Variants in XKR5 observed in about 807,000 individuals in gnomAD.
XKR5 encodes the protein XK related 5.
Under a neutral mutation model 40.8 loss-of-function variants are expected in XKR5, and 46 were observed. That is an observed-to-expected ratio of 1.13 (90% CI 0.89 to 1.44). The LOEUF is 1.44. XKR5 is among the 40% of genes most tolerant of loss of function. XKR5 has a pLI of 0.00. For synonymous variants in XKR5, 466 were observed against 356.1 expected (o/e 1.31, Z -3.48); for missense variants, 1,169 against 844.7 (o/e 1.38, Z -4.76).
rs1323696551 is a variant in XKR5, at chr8:6,811,384, C to G, written c.1875G>C (p.Glu625Asp). 3 of 1,537,192 alleles carry G rather than the reference C, an allele frequency of 2.0e-6. No homozygotes were observed. In the African/African-American group the frequency reaches 4.1e-5, roughly 21 times the overall value. ...TTTTGGGCTCCAGCGGCTCCTCTAG[C>G]TCTGAGATACTGAGGGTTCTTCCAG... ...GFPGRTLSISELEEPLEPKRE... is the reference protein window; with the variant it reads ...GFPGRTLSISDLEEPLEPKRE... Residue 625 changes from glutamate to aspartate, a missense_variant, in exon 7 of 7, where the codon GAG becomes GAC. By Grantham distance (45) the Glu-to-Asp change is conservative. Transcript: ENST00000618742.
chr8:6,812,718 A>T (rs1258169318), intron 6 of XKR5, among the ~76,000 whole-genome samples: 5 of 152,234 alleles, frequency 3.3e-5, no homozygotes, highest in African/African-American at 1.2e-4. Context: ...CTTTCAAGTA[A>T]CTGGACCATA....
intron 2 of XKR5, among the ~76,000 whole-genome samples, chr8:6,825,816 A>G (rs1218198893): frequency 2.0e-5 from 3 of 152,224 alleles, no homozygotes; most frequent in Non-Finnish European, 4.4e-5. Flanking sequence ...CACAGAATGT[A>G]GAACTCTGTG....
Position 6,810,586 on chromosome 8 carries a change from G to T in XKR5, c.*612C>A, listed in dbSNP as rs1803635442. On this transcript the variant is annotated 3_prime_UTR_variant, in exon 7 of 7. Transcript: ENST00000618742. Reference sequence around the variant, plus strand: ...GTGCATGTGCCCTTAGCATGGGTGAGGCTGAGCTAAGTGAGTCTACCCTTC... The same window carrying T: ...GTGCATGTGCCCTTAGCATGGGTGATGCTGAGCTAAGTGAGTCTACCCTTC... 1 of 152,280 alleles carries T rather than the reference G, an allele frequency of 6.6e-6. No individual in the cohort carries two copies. Among genetic ancestry groups the T allele is most frequent in the African/African-American group, 2.4e-5 (1 of 41,454 alleles). The allele number at this position is 152,280 out of a possible 1,614,324, so 9.4% of individuals were successfully genotyped here.
chr8:6,830,397 T>C (rs556612525), intron 2 of XKR5, among the ~76,000 whole-genome samples: 3 of 152,216 alleles, frequency 2.0e-5, no homozygotes, highest in African/African-American at 7.2e-5. Context: ...GAGGAATGGA[T>C]CCACTGCTGT....
chr8:6,823,786 C>A, intron 3 of XKR5, 56 bp from the exon 4 acceptor site: 1 of 1,414,258 alleles, frequency 7.1e-7, no homozygotes, highest in African/African-American at 1.4e-5. Flanking sequence ...GTAACAGTAC[C>A]TTGTGAAGAT....
intron 4 of XKR5, among the ~76,000 whole-genome samples, chr8:6,823,029 C>T (rs150547658): frequency 6.6e-6 from 1 of 152,220 alleles, no homozygotes; most frequent in Non-Finnish European, 1.5e-5. Context: ...TAACACAGAA[C>T]AGTCTCCTGA....
intron 5 of XKR5, among the ~76,000 whole-genome samples, chr8:6,818,792 C>A (rs1479459901): frequency 1.3e-5 from 2 of 152,226 alleles, no homozygotes; most frequent in African/African-American, 4.8e-5. Context: ...GCACTGGAGG[C>A]CCCCAGCCCC....
intron 2 of XKR5, among the ~76,000 whole-genome samples, chr8:6,826,113 C>A (rs969220064): frequency 6.6e-6 from 1 of 152,056 alleles, no homozygotes. Context: ...TATGGGTGAA[C>A]ACACATGTGG....
chr8:6,819,462 G>T (rs1021452309), intron 5 of XKR5, among the ~76,000 whole-genome samples: 6 of 152,234 alleles, frequency 3.9e-5, no homozygotes, highest in South Asian at 2.1e-4. Flanking sequence ...GGTTTCAGGT[G>T]CTGGCCACTC....
chr8:6,834,052 G>A (rs1024288120), intron 1 of XKR5, among the ~76,000 whole-genome samples: 1 of 152,122 alleles, frequency 6.6e-6, no homozygotes, highest in Non-Finnish European at 1.5e-5. Flanking sequence ...CTCTCTCTGT[G>A]GGGTCCCTTT....
chr8:6,829,736 A>C (rs1166519050), intron 2 of XKR5, among the ~76,000 whole-genome samples: 1 of 148,996 alleles, frequency 6.7e-6, no homozygotes, highest in African/African-American at 2.5e-5. Context: ...AGGCTGGTTT[A>C]GAACTCCTGG....
At position 6,809,844 on chromosome 8, in the gene XKR5, C is replaced by G. The variant is rs1430577739; in HGVS notation, c.*1354G>C. On this transcript the variant is annotated 3_prime_UTR_variant, in exon 7 of 7. Transcript: ENST00000618742. The stretch of plus-strand genomic sequence containing the variant: ...TACCCATTCTGGCTGGGCACGGTGG[C>G]TCACGCCTGTAATCCCAGCACTTTG... 6 of 152,382 alleles carry G rather than the reference C, an allele frequency of 3.9e-5. No homozygotes were observed. Among genetic ancestry groups the G allele is most frequent in the Non-Finnish European group, 8.8e-5 (6 of 68,202 alleles). The allele number at this position is 152,382 out of a possible 1,614,324, so 9.4% of individuals were successfully genotyped here. A position where few individuals can be genotyped will look rare whatever the true frequency, so the allele number is the denominator to read the frequency against.
At chr8:6,817,059 A>C (rs1220833659) in intron 5 of XKR5, among the ~76,000 whole-genome samples, 1 of 152,042 alleles carries the variant, frequency 6.6e-6, no homozygotes, top group African/African-American at 2.4e-5. Flanking sequence ...CTGGTGGTTC[A>C]GATTCTTAAG....
chr8:6,827,708 C>G (rs1333552661), intron 2 of XKR5, among the ~76,000 whole-genome samples: 2 of 152,162 alleles, frequency 1.3e-5, no homozygotes, highest in Non-Finnish European at 2.9e-5. Flanking sequence ...GGGGTAGTTT[C>G]CTCTTCTTGC....
chr8:6,813,216 G>A (rs527829783), intron 6 of XKR5, among the ~76,000 whole-genome samples: 2 of 152,332 alleles, frequency 1.3e-5, no homozygotes, highest in African/African-American at 4.8e-5. Context: ...TAGTGGCCAG[G>A]CTCCAACCTT....
In XKR5 at chr8:6,808,869, C is replaced by G. The variant is rs531557305; in HGVS notation, c.*2329G>C. The G allele has an allele frequency of 6.6e-6, 1 of 152,332 alleles. No individual in the cohort carries two copies. The highest frequency in any genetic ancestry group is 2.1e-4 in the South Asian group (1 of 4,832). The allele number at this position is 152,332 out of a possible 1,614,324, so 9.4% of individuals were successfully genotyped here. ...ATGCCGTTGATCCAGGATATGCACT[C>G]AAGCTGAAATTCATGCCCACAGCCC... On this transcript the variant is annotated 3_prime_UTR_variant, in exon 7 of 7. Coordinates refer to ENST00000618742, the MANE Select transcript of XKR5 (RefSeq NM_207411.5).
intron 3 of XKR5, among the ~76,000 whole-genome samples, chr8:6,824,542 T>C (rs1804374262): frequency 6.6e-6 from 1 of 152,150 alleles, no homozygotes; most frequent in African/African-American, 2.4e-5. Context: ...ATTATTATTA[T>C]TATTTTGAGA....
At chr8:6,828,322 G>C (rs1208301669) in intron 2 of XKR5, among the ~76,000 whole-genome samples, 1 of 152,142 alleles carries the variant, frequency 6.6e-6, no homozygotes, top group African/African-American at 2.4e-5. Flanking sequence ...AGGAGTGTCT[G>C]GGGTCAGTGG....
At chr8:6,828,651 A>T (rs1294852998) in intron 2 of XKR5, among the ~76,000 whole-genome samples, 2 of 152,188 alleles carry the variant, frequency 1.3e-5, no homozygotes, top group African/African-American at 2.4e-5. Flanking sequence ...TCGCTGCATC[A>T]TTCCAGGTCC....
Sources: allele counts gnomAD v4.1 joint callset (sites outside exome capture counted in the v4.1 genomes callset), GRCh38; gene constraint gnomAD v4.1.1; transcripts MANE v1.5; gene names NCBI Gene and HGNC (gene_info 2026-07-23, HGNC 2026-07-21).